PLK5: variants seen among roughly 807,000 people sequenced by gnomAD.
PLK5 encodes polo like kinase 5 (inactive), also known as inactive serine/threonine-protein kinase PLK5.
A neutral mutation model predicts 33.7 loss-of-function variants in PLK5; 28 were observed. The ratio of observed to expected loss-of-function variants is 0.83; its 90% confidence interval spans 0.62 to 1.14. The LOEUF (loss-of-function observed/expected upper bound fraction) is 1.14, where lower values mean the gene tolerates loss of function less well. PLK5 is among the 50% of genes most tolerant of loss of function. The pLI is 0.00. For synonymous variants in PLK5, 225 were observed against 202.2 expected (o/e 1.11, Z -0.96); for missense variants, 492 against 461.5 (o/e 1.07, Z -0.61).
At chr19:1,529,374 G>C (rs562986937) in intron 9 of PLK5, 32 bp from the exon 10 acceptor site, 1 of 1,521,272 alleles carries the variant, frequency 6.6e-7, no homozygotes, top group Admixed American at 2.0e-5. Context: ...CTGGGGCCGG[G>C]GCCACCCCCA....
rs1318896639 is a variant in PLK5 at position 1,530,448 on chromosome 19, C to T, written c.568+624C>T. On this transcript the variant is annotated intron_variant, in intron 11 of 13. Transcript: ENST00000454744. ...GAGTAGCTGAGATTACAGGCGTGTG[C>T]CACCACACCTGCTAATTTCTGTATT... Among the ~76,000 whole-genome samples, 15 of 152,094 alleles carry T rather than the reference C, an allele frequency of 9.9e-5. No individual in the cohort carries two copies. In the South Asian group the frequency reaches 2.9e-3, roughly 30 times the overall value.
In PLK5 at chr19:1,528,375, G is replaced by T. The variant is rs1414458093; in HGVS notation, c.275G>T (p.Gly92Val). Reference sequence around the variant, plus strand: ...ATCTTCGCCATACCCCCGCCTCTGGGCAGGATCTTCCGGAAGGTGGGCCAG... The same window carrying T: ...ATCTTCGCCATACCCCCGCCTCTGGTCAGGATCTTCCGGAAGGTGGGCCAG... ...PPIFAIPPPLGRIFRKVGQRL... is the reference protein window; with the variant it reads ...PPIFAIPPPLVRIFRKVGQRL... The change falls in exon 8 of 14, where the codon GGC becomes GTC. Residue 92 changes from glycine to valine, a missense_variant. By Grantham distance (109) the Gly-to-Val change is moderately radical (BLOSUM62 -3). Coordinates refer to ENST00000454744, the MANE Select transcript of PLK5 (RefSeq NM_001243079.2). The T allele has an allele frequency of 6.5e-7, 1 of 1,535,302 alleles. No homozygotes were observed. The highest frequency in any genetic ancestry group is 2.0e-5 in the Admixed American group (1 of 50,928).
In PLK5 at chr19:1,524,600, C is replaced by CGTGT. The variant is rs57882577; in HGVS notation, c.-544+383_-544+386dup. 2.6e-4 allele frequency among the ~76,000 whole-genome samples: 39 copies of CGTGT among 150,032 alleles called. 2 individuals are homozygous for CGTGT. The highest frequency in any genetic ancestry group is 1.3e-3 in the South Asian group (6 of 4,716). ...AAGTGTCTGGGTGCTGTGCGGTGTT[C>CGTGT]GTGTGTGTGTGTGTGTGTGTGTGTG... On this transcript the variant is annotated intron_variant, in intron 1 of 13. Coordinates refer to ENST00000454744, the MANE Select transcript of PLK5 (RefSeq NM_001243079.2). The surrounding 1 kb of genome is among the most constrained non-coding windows in gnomAD (Gnocchi z 4.5).
At chr19:1,533,746 G>A (rs959960546) in intron 12 of PLK5, 185 bp from the exon 13 acceptor site, 3 of 606,856 alleles carry the variant, frequency 4.9e-6, no homozygotes, top group Non-Finnish European at 8.8e-6. Context: ...CCAACTGCGG[G>A]AGGCTGGAAG....
intron 12 of PLK5, 81 bp downstream of exon 12, chr19:1,531,964 C>T: frequency 1.4e-6 from 2 of 1,391,220 alleles, no homozygotes; most frequent in Non-Finnish European, 1.9e-6. Flanking sequence ...ATTTATTAAG[C>T]ACCTACTGTG....
At chr19:1,533,473 T>G (rs1275298352) in intron 12 of PLK5, among the ~76,000 whole-genome samples, 1 of 152,104 alleles carries the variant, frequency 6.6e-6, no homozygotes, top group Non-Finnish European at 1.5e-5. Context: ...GGCGGAGGCC[T>G]GGGCTGTGCT....
At position 1,530,260 on chromosome 19, in the gene PLK5, C is replaced by T. The variant is rs116482813; in HGVS notation, c.568+436C>T. ...CTTAGAGAGGGAGCCCCAAACCCCACGCCAGGTCTCCAGCCCAGAAGCCTT... is the reference window on the plus strand; with the variant it reads ...CTTAGAGAGGGAGCCCCAAACCCCATGCCAGGTCTCCAGCCCAGAAGCCTT... On this transcript the variant is annotated intron_variant, in intron 11 of 13. Coordinates refer to ENST00000454744, the MANE Select transcript of PLK5 (RefSeq NM_001243079.2). Among the ~76,000 whole-genome samples the T allele has an allele frequency of 5.7e-3, 869 of 152,188 alleles. 6 individuals carry two copies. Among genetic ancestry groups the T allele is most frequent in the African/African-American group, 0.02 (832 of 41,526 alleles).
At chr19:1,534,123 T>G in intron 13 of PLK5, 82 bp downstream of exon 13, 3 of 1,053,432 alleles carry the variant, frequency 2.8e-6, no homozygotes, top group Non-Finnish European at 4.1e-6. Flanking sequence ...GAGCAAGCTT[T>G]GGGGGAGCCT....
intron 13 of PLK5, 143 bp downstream of exon 13, chr19:1,534,184 C>T (rs1313578204): frequency 6.0e-6 from 4 of 667,892 alleles, no homozygotes; most frequent in African/African-American, 3.7e-5. Flanking sequence ...GGTATTGGCT[C>T]CTGCGTACAA....
At chr19:1,528,241 A>T in intron 7 of PLK5, 61 bp from the exon 8 acceptor site, 1 of 1,535,406 alleles carries the variant, frequency 6.5e-7, no homozygotes, top group Admixed American at 2.0e-5. Flanking sequence ...GTCCCAGGTA[A>T]CCCAGGTGCT....
At chr19:1,534,942 C>A in intron 13 of PLK5, 123 bp from the exon 14 acceptor site, 1 of 897,818 alleles carries the variant, frequency 1.1e-6, no homozygotes, top group Non-Finnish European at 1.6e-6. Context: ...GTGGCTGGGG[C>A]AGGCACTAGG....
intron 12 of PLK5, among the ~76,000 whole-genome samples, chr19:1,532,958 G>A (rs1250827035): frequency 1.3e-5 from 2 of 151,742 alleles, no homozygotes; most frequent in African/African-American, 2.4e-5. Context: ...GAGCCACCGC[G>A]CCTGGCCAAG....
rs978450494 is a variant in PLK5 at position 1,535,204 on chromosome 19, C to G, written c.965C>G (p.Thr322Ser). 1 of 1,533,876 alleles carries G rather than the reference C, an allele frequency of 6.5e-7. No homozygotes were observed. The highest frequency in any genetic ancestry group is 8.7e-7 in the Non-Finnish European group (1 of 1,146,480). The change falls in exon 14 of 14, where the codon ACC becomes AGC. Residue 322 changes from threonine (T) to serine (S), a missense_variant. By Grantham distance (58) the Thr-to-Ser change is moderately conservative. Transcript: ENST00000454744. ...VPRSHGCAPT[T>S]GQHLHHALRM... ...CGGAGCCACGGCTGCGCCCCCACCA[C>G]CGGACAGCACCTTCACCACGCCCTC...
rs982895606 is a variant in PLK5, at chr19:1,526,685, A to G, written c.-182-19A>G. 9.1e-6 allele frequency: 4 copies of G among 440,932 alleles called. No homozygotes were observed. The highest frequency in any genetic ancestry group is 6.4e-5 in the South Asian group (3 of 46,834). 27.3% of individuals were successfully genotyped at this position (440,932 alleles called of 1,614,324 possible). A position where few individuals can be genotyped will look rare whatever the true frequency, so the allele number is the denominator to read the frequency against. On this transcript the variant is annotated intron_variant, in intron 4 of 13. Coordinates refer to ENST00000454744, the MANE Select transcript of PLK5 (RefSeq NM_001243079.2). ...GGGCACGGATCCACCCCCATGCGCA[A>G]TGCCCCTCCCACTGCCAGGTAACTT...
Position 1,535,107 on chromosome 19 carries a change from G to A in PLK5, c.868G>A (p.Glu290Lys), listed in dbSNP as rs1280570696. ...CCCGGCCCAACTGGTGCTGAGTGGC[G>A]AGGGTGAGGGTTTGCAGCTCACCCT... ...GVPAQLVLSG[E>K]GEGLQLTLWE... Residue 290 changes from glutamate (E) to lysine (K), a missense_variant, in exon 14 of 14, where the codon GAG (glutamate) becomes AAG (lysine). By Grantham distance (56) the Glu-to-Lys change is moderately conservative. Coordinates refer to ENST00000454744, the MANE Select transcript of PLK5 (RefSeq NM_001243079.2). 7 of 1,534,346 alleles carry A rather than the reference G, an allele frequency of 4.6e-6. No homozygotes were observed. The highest frequency in any genetic ancestry group is 1.7e-4 in the Middle Eastern group (1 of 5,998).
rs1172031157 is a variant in PLK5, at chr19:1,524,556, G to C, written c.-544+310G>C. On this transcript the variant is annotated intron_variant, in intron 1 of 13. Transcript: ENST00000454744. The surrounding 1 kb of genome is among the most constrained non-coding windows in gnomAD (Gnocchi z 4.5). ...CCTGGCGAGGGTCTGAGTGTGCCGC[G>C]TCTGTGCCCGCTGCTTCCAAGTGTC... 5.3e-5 allele frequency among the ~76,000 whole-genome samples: 8 copies of C among 152,010 alleles called. No individual in the cohort carries two copies. The highest frequency in any genetic ancestry group is 4.6e-4 in the Admixed American group (7 of 15,270).
intron 11 of PLK5, among the ~76,000 whole-genome samples, chr19:1,530,604 ATTTTTTTTTTTTTTTTTTT>A (rs759461067): frequency 1.1e-4 from 4 of 36,548 alleles, no homozygotes; most frequent in Non-Finnish European, 1.8e-4. Context: ...GCCTGGGCGC[ATTTTTTTTTTTTTTTTTTT>A]TTTTTTTTTT....
chr19:1,527,893 G>A (rs1476488488), intron 6 of PLK5, 43 bp from the exon 7 acceptor site: 2 of 1,510,834 alleles, frequency 1.3e-6, no homozygotes, highest in Admixed American at 4.0e-5. Flanking sequence ...GTAGCTCTGA[G>A]CGATGCCTGG....
intron 6 of PLK5, among the ~76,000 whole-genome samples, chr19:1,527,276 G>A (rs1028406314): frequency 2.6e-5 from 4 of 152,010 alleles, no homozygotes; most frequent in Non-Finnish European, 2.9e-5. Context: ...GTGTGTGGGC[G>A]CAGGGCAGGT....
Sources: allele counts gnomAD v4.1 joint callset (sites outside exome capture counted in the v4.1 genomes callset), GRCh38; gene constraint gnomAD v4.1.1; non-coding constraint Gnocchi (gnomAD v3.1); transcripts MANE v1.5; gene names NCBI Gene and HGNC (gene_info 2026-07-23, HGNC 2026-07-21).